The following PYURF variants were observed in gnomAD, a reference collection of about 807,000 sequenced individuals.
PYURF encodes protein preY, mitochondrial.
In PYURF, 9 loss-of-function variants were observed where a neutral mutation model predicts 8.0. The observed-to-expected ratio is 1.13, with a 90% CI of 0.68 to 1.97. The LOEUF is 1.97. PYURF is among the 30% of genes most tolerant of loss of function. PYURF has a pLI of 0.00. For missense variants in PYURF, 130 were observed against 158.0 expected (o/e 0.82, Z 0.95); for synonymous variants, 56 against 68.3 (o/e 0.82, Z 0.89).
chr4:88,522,700 T>C (rs1411283541), intron 1 of PYURF, among the ~76,000 whole-genome samples: 1 of 152,210 alleles, frequency 6.6e-6, no homozygotes, highest in Non-Finnish European at 1.5e-5. Context: ...GTTAGTGTTG[T>C]CAATATTCAA....
At position 88,521,012 on chromosome 4, in the gene PYURF, GAA is replaced by G. The variant is rs1742358823; in HGVS notation, c.*874_*875del. ...CTGCAAACTGGTTTATTTTTTATAG[GAA>G]AGTGTCAACATGTTTATTGCTAATA... On this transcript the variant is annotated 3_prime_UTR_variant, in exon 2 of 2. Transcript: ENST00000273968. 1.3e-5 allele frequency: 2 copies of G among 152,880 alleles called. No individual in the cohort carries two copies. The highest frequency in any genetic ancestry group is 4.8e-5 in the African/African-American group (2 of 41,450). The allele number at this position is 152,880 out of a possible 1,614,324, so 9.5% of individuals were successfully genotyped here.
chr4:88,521,876 T>A lies in PYURF; in HGVS notation c.*12A>T. Reference sequence around the variant, plus strand: ...TGGCTGTTGCGTTTTTTTAATTTTTTTAAATTATGAACTAGCGCTGCTCCA... The same window carrying A: ...TGGCTGTTGCGTTTTTTTAATTTTTATAAATTATGAACTAGCGCTGCTCCA... On this transcript the variant is annotated 3_prime_UTR_variant, in exon 2 of 2. Coordinates refer to ENST00000273968, the MANE Select transcript of PYURF (RefSeq NM_032906.5). The A allele has an allele frequency of 6.5e-7, 1 of 1,541,084 alleles. No homozygotes were observed.
intron 1 of PYURF, among the ~76,000 whole-genome samples, chr4:88,522,879 TACA>T (rs1742419782): frequency 6.6e-6 from 1 of 152,208 alleles, no homozygotes; most frequent in South Asian, 2.1e-4. Flanking sequence ...ATCTGGAGGG[TACA>T]ACAATACTTT....
Position 88,521,562 on chromosome 4 carries a change from A to C in PYURF, c.*326T>G, listed in dbSNP as rs1443695064. On this transcript the variant is annotated 3_prime_UTR_variant, in exon 2 of 2. Coordinates refer to ENST00000273968, the MANE Select transcript of PYURF (RefSeq NM_032906.5). ...TATCATTAATATATACAGCATATTG[A>C]CTCTAGTTGCATCAATTATGCCTGA... 1 of 1,576,390 alleles carries C rather than the reference A, an allele frequency of 6.3e-7. No homozygotes were observed. Among genetic ancestry groups the C allele is most frequent in the Non-Finnish European group, 8.7e-7 (1 of 1,146,150 alleles).
chr4:88,521,594 T>A lies in PYURF; in HGVS notation c.*294A>T. The A allele has an allele frequency of 6.2e-7, 1 of 1,611,846 alleles. No homozygotes were observed. ...TTGCATCAATTATGCCTGAAGAGTT[T>A]AATACCCATCCAAGTCCAAAGGTGG... On this transcript the variant is annotated 3_prime_UTR_variant, in exon 2 of 2. Coordinates refer to ENST00000273968, the MANE Select transcript of PYURF (RefSeq NM_032906.5).
chr4:88,521,484 C>A lies in PYURF; in HGVS notation c.*404G>T. 1 of 1,202,076 alleles carries A rather than the reference C, an allele frequency of 8.3e-7. No individual in the cohort carries two copies. Among genetic ancestry groups the A allele is most frequent in the East Asian group, 2.5e-5 (1 of 39,918 alleles). The allele number at this position is 1,202,076 out of a possible 1,614,324, so 74.5% of individuals were successfully genotyped here. ...GATATGCGCAAAGCAAAGCCTCTTT[C>A]CCGCAAACTAAATTCCATCCATTTG... On this transcript the variant is annotated 3_prime_UTR_variant, in exon 2 of 2. Coordinates refer to ENST00000273968, the MANE Select transcript of PYURF (RefSeq NM_032906.5).
rs1742388483 is a variant in PYURF at position 88,522,025 on chromosome 4, C to T, written c.208G>A (p.Glu70Lys). ...TTAATCAATTCGTTTGTTGATGCTT[C>T]ATATCTGAGGTGGAAAAAAAAAGAA... ...CPLSKKPLRY[E>K]ASTNELINEE... Residue 70 changes from glutamate (E) to lysine (K), a missense_variant, in exon 2 of 2, where the codon GAA (glutamate) becomes AAA (lysine). Transcript: ENST00000273968. 1 of 1,539,686 alleles carries T rather than the reference C, an allele frequency of 6.5e-7. No individual in the cohort carries two copies. Among genetic ancestry groups the T allele is most frequent in the South Asian group, 1.2e-5 (1 of 80,610 alleles).
chr4:88,522,176 G>A, intron 1 of PYURF, 147 bp from the exon 2 acceptor site: 1 of 659,376 alleles, frequency 1.5e-6, no homozygotes, highest in South Asian at 2.6e-5. Context: ...AGCAACAATA[G>A]CCAATTCAAC....
chr4:88,522,998 A>G (rs1172949890), intron 1 of PYURF, among the ~76,000 whole-genome samples: 1 of 152,178 alleles, frequency 6.6e-6, no homozygotes, highest in Non-Finnish European at 1.5e-5. Context: ...GTTTAAGAAC[A>G]CAGATAAGCT....
chr4:88,523,584 C>T lies in PYURF; in HGVS notation c.117G>A (p.Arg39=), dbSNP rs1313050333. The change falls in exon 1 of 2, where the codon CGG becomes CGA. Residue 39 remains arginine, a synonymous_variant. Transcript: ENST00000273968. ...GGGGCGGCTCCTCAGTCTTCTTGCC[C>T]CGGTCGGCCAAAGGCCGCGACCCCG... is the stretch of plus-strand genomic sequence containing the variant. The part of the protein sequence containing the change: ...HASGSRPLAD[R]GKKTEEPPRD... The T allele has an allele frequency of 6.5e-7, 1 of 1,550,138 alleles. No homozygotes were observed. The highest frequency in any genetic ancestry group is 8.7e-7 in the Non-Finnish European group (1 of 1,146,820).
Position 88,522,040 on chromosome 4 carries a change from A to G in PYURF, c.204-11T>C. 1 of 1,521,936 alleles carries G rather than the reference A, an allele frequency of 6.6e-7. No individual in the cohort carries two copies. Among genetic ancestry groups the G allele is most frequent in the Non-Finnish European group, 8.8e-7 (1 of 1,136,968 alleles). The allele number at this position is 1,521,936 out of a possible 1,614,324, so 94.3% of individuals were successfully genotyped here. A position where few individuals can be genotyped will look rare whatever the true frequency, so the allele number is the denominator to read the frequency against. On this transcript the variant is annotated splice_polypyrimidine_tract_variant and intron_variant, in intron 1 of 1. Transcript: ENST00000273968. ...GTTGATGCTTCATATCTGAGGTGGA[A>G]AAAAAAAGAACAAAATGAGTTGTGG...
chr4:88,522,872 T>A (rs1249297956), intron 1 of PYURF, among the ~76,000 whole-genome samples: 1 of 152,226 alleles, frequency 6.6e-6, no homozygotes, highest in East Asian at 1.9e-4. Flanking sequence ...CACAAGAATC[T>A]GGAGGGTACA....
In PYURF at chr4:88,521,954, A is replaced by G. The variant is rs771802585; in HGVS notation, c.279T>C (p.Asn93=). ...IAYPIIDGIP[N]MIPQAARMTR... ...TCATCCTAGCTGCCTGTGGTATCAT[A>G]TTAGGGATCCCATCAATGATTGGAT... Residue 93 remains asparagine (N), a synonymous_variant, in exon 2 of 2, where the codon AAT becomes AAC. Coordinates refer to ENST00000273968, the MANE Select transcript of PYURF (RefSeq NM_032906.5). 1 of 1,551,526 alleles carries G rather than the reference A, an allele frequency of 6.4e-7. No individual in the cohort carries two copies. The highest frequency in any genetic ancestry group is 1.2e-5 in the South Asian group (1 of 84,030).
In PYURF at chr4:88,523,506, C is replaced by G; in HGVS notation, c.195G>C (p.Lys65Asn). 6.4e-7 allele frequency: 1 copy of G among 1,551,336 alleles called. No individual in the cohort carries two copies. Among genetic ancestry groups the G allele is most frequent in the Non-Finnish European group, 8.7e-7 (1 of 1,146,864 alleles). The change falls in exon 1 of 2, where the codon AAG becomes AAC. Residue 65 changes from lysine to asparagine, a missense_variant. By Grantham distance (94) the Lys-to-Asn change is moderately conservative (BLOSUM62 0). Coordinates refer to ENST00000273968, the MANE Select transcript of PYURF (RefSeq NM_032906.5). The part of the protein sequence containing the change: ...LEFLVCPLSK[K>N]PLRYEASTNE... ...CAAGGCCAGCGAGTTACCTGAGCGGCTTCTTGGAGAGCGGGCACACCAGGA... is the reference window on the plus strand; with the variant it reads ...CAAGGCCAGCGAGTTACCTGAGCGGGTTCTTGGAGAGCGGGCACACCAGGA...
At chr4:88,522,487 G>A (rs1238099136) in intron 1 of PYURF, among the ~76,000 whole-genome samples, 4 of 152,196 alleles carry the variant, frequency 2.6e-5, no homozygotes, top group African/African-American at 7.2e-5. Context: ...AAAGGTGAGA[G>A]GGCAGAAATG....
Position 88,521,887 on chromosome 4 carries a change from A to G in PYURF, c.*1T>C. On this transcript the variant is annotated 3_prime_UTR_variant, in exon 2 of 2. Coordinates refer to ENST00000273968, the MANE Select transcript of PYURF (RefSeq NM_032906.5). The stretch of plus-strand genomic sequence containing the variant: ...TTTTTTTAATTTTTTTAAATTATGA[A>G]CTAGCGCTGCTCCACTTCTTCTTGC... The G allele has an allele frequency of 1.9e-6, 3 of 1,548,530 alleles. No homozygotes were observed. The highest frequency in any genetic ancestry group is 2.6e-6 in the Non-Finnish European group (3 of 1,146,234).
Position 88,522,010 on chromosome 4 carries a change from C to T in PYURF, c.223G>A (p.Glu75Lys), listed in dbSNP as rs1209691786. 7 of 1,547,078 alleles carry T rather than the reference C, an allele frequency of 4.5e-6. No homozygotes were observed. The highest frequency in any genetic ancestry group is 2.4e-5 in the East Asian group (1 of 40,870). Residue 75 changes from glutamate to lysine, a missense_variant, in exon 2 of 2, where the codon GAA becomes AAA. Physicochemically the swap from Glu to Lys is moderately conservative, Grantham distance 56. Coordinates refer to ENST00000273968, the MANE Select transcript of PYURF (RefSeq NM_032906.5). ...KPLRYEASTN[E>K]LINEELGIAY... ...ATTCCCAACTCTTCATTAATCAATT[C>T]GTTTGTTGATGCTTCATATCTGAGG...
chr4:88,521,830 G>A lies in PYURF; in HGVS notation c.*58C>T. The A allele has an allele frequency of 1.3e-6, 2 of 1,584,472 alleles. No individual in the cohort carries two copies. Among genetic ancestry groups the A allele is most frequent in the Non-Finnish European group, 1.7e-6 (2 of 1,165,544 alleles). ...ATTACCTGCCACTGTGTTTTAAAAGGTATATGGTATTAAGAAAAGTTGGCT... is the reference window on the plus strand; with the variant it reads ...ATTACCTGCCACTGTGTTTTAAAAGATATATGGTATTAAGAAAAGTTGGCT... On this transcript the variant is annotated 3_prime_UTR_variant, in exon 2 of 2. Coordinates refer to ENST00000273968, the MANE Select transcript of PYURF (RefSeq NM_032906.5).
Position 88,523,761 on chromosome 4 carries a change from C to T in PYURF, c.-61G>A, listed in dbSNP as rs1046514884. On this transcript the variant is annotated 5_prime_UTR_variant, in exon 1 of 2. Coordinates refer to ENST00000273968, the MANE Select transcript of PYURF (RefSeq NM_032906.5). The stretch of plus-strand genomic sequence containing the variant: ...TCGCCACCCGTGGCCGAGCTCCCGG[C>T]TTCCCGTTCGTCCAGGCCAGCCGGG... The T allele has an allele frequency of 5.1e-5, 70 of 1,383,832 alleles. No homozygotes were observed. Among genetic ancestry groups the T allele is most frequent in the Non-Finnish European group, 6.2e-5 (66 of 1,070,578 alleles). The allele number at this position is 1,383,832 out of a possible 1,614,324, so 85.7% of individuals were successfully genotyped here.
Sources: gnomAD v4.1 joint callset for allele counts (sites outside exome capture counted in the v4.1 genomes callset) on GRCh38, gnomAD v4.1.1 for gene constraint, MANE v1.5 for transcripts, NCBI Gene and HGNC (gene_info 2026-07-23, HGNC 2026-07-21) for gene names.